CAB39L: variants seen among roughly 807,000 people sequenced by gnomAD.
CAB39L encodes the protein calcium-binding protein 39-like.
CAB39L carries 23 observed loss-of-function variants against 39.1 expected under a neutral mutation model. The ratio of observed to expected loss-of-function variants is 0.59; its 90% CI spans 0.42 to 0.83. CAB39L has a LOEUF of 0.83. Among genes scored for constraint, CAB39L ranks in the 40% least tolerant of loss-of-function variants. CAB39L has a pLI of 0.00. For missense variants in CAB39L, 366 were observed against 391.9 expected (o/e 0.93, Z 0.56); for synonymous variants, 126 against 137.2 (o/e 0.92, Z 0.57).
rs561513081 is a variant in CAB39L at position 49,339,380 on chromosome 13, T to G, written c.690+297A>C. 4.6e-5 allele frequency among the ~76,000 whole-genome samples: 7 copies of G among 152,200 alleles called. No homozygotes were observed. In the East Asian group the frequency reaches 1.4e-3, roughly 29 times the overall value. On this transcript the variant is annotated intron_variant, in intron 9 of 10. Coordinates refer to ENST00000409308, the MANE Select transcript of CAB39L (RefSeq NM_001079670.3). Reference sequence around the variant, plus strand: ...TCCTGACCTCAGGTGATCCGCCCACTTCGGCCTCCCAAAGTGCTGGGATTA... The same window carrying G: ...TCCTGACCTCAGGTGATCCGCCCACGTCGGCCTCCCAAAGTGCTGGGATTA...
At chr13:49,413,099 T>A (rs1006406935) in intron 3 of CAB39L, 2 of 140,990 alleles carry the variant, frequency 1.4e-5, no homozygotes, top group African/African-American at 2.7e-5. Flanking sequence ...CTTGTACAAC[T>A]TTTGTGAAAA....
intron 3 of CAB39L, among the ~76,000 whole-genome samples, chr13:49,412,308 A>T (rs1371882954): frequency 1.3e-5 from 2 of 152,120 alleles, no homozygotes; most frequent in African/African-American, 2.4e-5. Flanking sequence ...AAAAGCCATA[A>T]AGTGATTATT....
intron 10 of CAB39L, among the ~76,000 whole-genome samples, chr13:49,313,257 G>T (rs772677253): frequency 1.3e-5 from 2 of 152,056 alleles, no homozygotes; most frequent in Non-Finnish European, 2.9e-5. Context: ...CGAGGTGGGC[G>T]GATCACGAAG....
intron 3 of CAB39L, among the ~76,000 whole-genome samples, chr13:49,420,720 C>T (rs1957157543): frequency 6.6e-6 from 1 of 152,088 alleles, no homozygotes; most frequent in South Asian, 2.1e-4. Flanking sequence ...TTAATGTATC[C>T]TAGAATTCTA....
At chr13:49,425,412 T>C (rs891016240) in intron 3 of CAB39L, among the ~76,000 whole-genome samples, 1 of 152,120 alleles carries the variant, frequency 6.6e-6, no homozygotes, top group Non-Finnish European at 1.5e-5. Flanking sequence ...TATAGGCATA[T>C]GTAGAAAAAT....
chr13:49,354,582 A>G (rs1955439432), intron 6 of CAB39L, among the ~76,000 whole-genome samples: 1 of 152,188 alleles, frequency 6.6e-6, no homozygotes, highest in Non-Finnish European at 1.5e-5. Context: ...TAATTACTGC[A>G]TTTTCCACAA....
At chr13:49,406,333 A>ACTTTTT (rs1555264228) in intron 3 of CAB39L, among the ~76,000 whole-genome samples, 1 of 90,632 alleles carries the variant, frequency 1.1e-5, no homozygotes, top group African/African-American at 4.6e-5. Context: ...ATGCCCAGCT[A>ACTTTTT]TTTTTTTTTT....
rs932306046 is a variant in CAB39L at position 49,309,636 on chromosome 13, G to A, written c.*1178C>T. On this transcript the variant is annotated 3_prime_UTR_variant, in exon 11 of 11. Coordinates refer to ENST00000409308, the MANE Select transcript of CAB39L (RefSeq NM_001079670.3). ...CCTTTTAAAATATTTTTGATTCCAA[G>A]CCTTTTTATAAGGAAGAGGAATTAA... is the stretch of plus-strand genomic sequence containing the variant. The A allele has an allele frequency of 6.6e-6, 1 of 152,110 alleles. No individual in the cohort carries two copies. Among genetic ancestry groups the A allele is most frequent in the Non-Finnish European group, 1.5e-5 (1 of 68,022 alleles). The allele number at this position is 152,110 out of a possible 1,614,324, so 9.4% of individuals were successfully genotyped here. A position where few individuals can be genotyped will look rare whatever the true frequency, so the allele number is the denominator to read the frequency against.
chr13:49,314,210 G>A (rs1394963868), intron 10 of CAB39L, among the ~76,000 whole-genome samples: 1 of 152,160 alleles, frequency 6.6e-6, no homozygotes, highest in African/African-American at 2.4e-5. Context: ...AGCTAAGGCG[G>A]CGCCGGCTCT....
In CAB39L at chr13:49,320,770, C is replaced by T. The variant is rs562481484; in HGVS notation, c.835-9777G>A. Among the ~76,000 whole-genome samples, 62 of 152,298 alleles carry T rather than the reference C, an allele frequency of 4.1e-4. 1 individual carries two copies. The highest frequency in any genetic ancestry group is 2.1e-4 in the South Asian group (1 of 4,824). On this transcript the variant is annotated intron_variant, in intron 10 of 10. Transcript: ENST00000409308. Reference sequence around the variant, plus strand: ...AACCATGTCCTTATTCATATGACTACACATCTGAGTAATAATTTAGAATAT... The same window carrying T: ...AACCATGTCCTTATTCATATGACTATACATCTGAGTAATAATTTAGAATAT...
chr13:49,376,631 T>C (rs1401877097), intron 5 of CAB39L, among the ~76,000 whole-genome samples: 8 of 152,188 alleles, frequency 5.3e-5, no homozygotes, highest in Admixed American at 5.2e-4. Context: ...GGGCTAATAA[T>C]ACAGTATTAA....
At chr13:49,406,772 T>C (rs907212417) in intron 3 of CAB39L, among the ~76,000 whole-genome samples, 1 of 152,210 alleles carries the variant, frequency 6.6e-6, no homozygotes, top group African/African-American at 2.4e-5. Flanking sequence ...CCTTCACTTA[T>C]ACCACAAATC....
At chr13:49,317,413 C>G (rs770910938) in intron 10 of CAB39L, among the ~76,000 whole-genome samples, 3 of 151,948 alleles carry the variant, frequency 2.0e-5, no homozygotes, top group Non-Finnish European at 4.4e-5. Context: ...ACCTGTAGTC[C>G]CAGCTACTCG....
chr13:49,327,129 A>C (rs1016097836), intron 10 of CAB39L, among the ~76,000 whole-genome samples: 2 of 151,800 alleles, frequency 1.3e-5, no homozygotes, highest in African/African-American at 4.9e-5. Flanking sequence ...GGCTCTATCA[A>C]AATCTAATAT....
intron 6 of CAB39L, among the ~76,000 whole-genome samples, chr13:49,358,180 A>C (rs974640973): frequency 6.6e-6 from 1 of 152,218 alleles, no homozygotes; most frequent in Non-Finnish European, 1.5e-5. Context: ...TGATACAAGG[A>C]TCTTTCCCTT....
chr13:49,335,355 T>C (rs553261476), intron 9 of CAB39L, among the ~76,000 whole-genome samples: 27 of 152,312 alleles, frequency 1.8e-4, no homozygotes, highest in Non-Finnish European at 3.7e-4. Flanking sequence ...GATACCTACA[T>C]ATAAATTCTA....
At chr13:49,420,226 C>T (rs1224802844) in intron 3 of CAB39L, 7 of 152,134 alleles carry the variant, frequency 4.6e-5, no homozygotes, top group African/African-American at 1.7e-4. Context: ...AGTAGGCTAA[C>T]ATATAGATTT....
chr13:49,348,713 C>T (rs1955252983), intron 7 of CAB39L, among the ~76,000 whole-genome samples: 1 of 152,194 alleles, frequency 6.6e-6, no homozygotes, highest in Admixed American at 6.5e-5. Flanking sequence ...ACAGTATTCT[C>T]CCTCCAGAGT....
At chr13:49,414,799 A>G (rs1957052477) in intron 3 of CAB39L, among the ~76,000 whole-genome samples, 1 of 152,106 alleles carries the variant, frequency 6.6e-6, no homozygotes, top group South Asian at 2.1e-4. Context: ...CTTCTTTATA[A>G]TTTTCTGTAA....
Sources: gnomAD v4.1 joint callset for allele counts (sites outside exome capture counted in the v4.1 genomes callset) on GRCh38, gnomAD v4.1.1 for gene constraint, MANE v1.5 for transcripts, NCBI Gene and HGNC (gene_info 2026-07-23, HGNC 2026-07-21) for gene names.